Variants in MAST4 observed in about 807,000 individuals in gnomAD.
MAST4 encodes the protein microtubule-associated serine/threonine-protein kinase 4.
A neutral mutation model predicts 162.7 loss-of-function variants in MAST4; 89 were observed. The ratio of observed to expected loss-of-function variants is 0.55; its 90% CI spans 0.46 to 0.65. The LOEUF (loss-of-function observed/expected upper bound fraction) is 0.65. MAST4 is among the 30% of genes least tolerant of loss of function. The probability of loss-of-function intolerance (pLI) is 0.00; values close to 1 mark genes in which losing one functional copy is unlikely to be tolerated. For synonymous variants in MAST4, 1,479 were observed against 1,361.1 expected (o/e 1.09, Z -1.91); for missense variants, 3,153 against 3,374.0 (o/e 0.93, Z 1.62).
At chr5:66,724,885 TAAAG>T (rs1310502959) in intron 1 of MAST4, among the ~76,000 whole-genome samples, 1 of 152,076 alleles carries the variant, frequency 6.6e-6, no homozygotes, top group Non-Finnish European at 1.5e-5. Flanking sequence ...AATTTTTACT[TAAAG>T]AAATCTTACT....
intron 4 of MAST4, among the ~76,000 whole-genome samples, chr5:66,971,057 TC>T (rs1747374847): frequency 6.6e-6 from 1 of 152,206 alleles, no homozygotes; most frequent in South Asian, 2.1e-4. Context: ...AGCCTGTGCC[TC>T]TATTTCTTCG....
chr5:66,979,296 C>T (rs549573206), intron 4 of MAST4, among the ~76,000 whole-genome samples: 2 of 152,126 alleles, frequency 1.3e-5, no homozygotes, highest in South Asian at 4.2e-4. Context: ...ACACTGAGTC[C>T]TCTTTAAAAT....
At chr5:66,629,678 G>A (rs757573853) in intron 1 of MAST4, among the ~76,000 whole-genome samples, 9 of 152,170 alleles carry the variant, frequency 5.9e-5, no homozygotes, top group Non-Finnish European at 8.8e-5. Context: ...ACAAGGAATC[G>A]TCTGCCCATG....
chr5:66,784,766 C>T (rs1382558851), intron 2 of MAST4, among the ~76,000 whole-genome samples: 1 of 152,158 alleles, frequency 6.6e-6, no homozygotes, highest in Non-Finnish European at 1.5e-5. Context: ...TGTGACAGTA[C>T]ATTGACTGCT....
At chr5:67,145,459 G>T (rs1159577773) in intron 23 of MAST4, 80 bp downstream of exon 23, 36 of 1,217,326 alleles carry the variant, frequency 3.0e-5, no homozygotes, top group Non-Finnish European at 5.8e-6. Context: ...GGCGGGCCTC[G>T]CCAGGCAGTA....
chr5:67,141,720 T>C (rs1770431598), intron 19 of MAST4, among the ~76,000 whole-genome samples: 1 of 152,250 alleles, frequency 6.6e-6, no homozygotes, highest in Non-Finnish European at 1.5e-5. Context: ...AGAGGAAATG[T>C]TGCTGTGAAC....
chr5:67,101,747 G>A (rs1420047594), intron 8 of MAST4, among the ~76,000 whole-genome samples: 2 of 151,946 alleles, frequency 1.3e-5, no homozygotes, highest in African/African-American at 4.8e-5. Context: ...AGATTATTCT[G>A]AGATATGGAA....
intron 1 of MAST4, among the ~76,000 whole-genome samples, chr5:66,624,945 A>G (rs1372252256): frequency 2.0e-5 from 3 of 152,238 alleles, no homozygotes; most frequent in Non-Finnish European, 2.9e-5. Context: ...GGTCTTGGCA[A>G]TAATTTTTTG....
At chr5:66,641,327 A>G (rs1192163711) in intron 1 of MAST4, among the ~76,000 whole-genome samples, 1 of 151,786 alleles carries the variant, frequency 6.6e-6, no homozygotes, top group Non-Finnish European at 1.5e-5. Flanking sequence ...AATTTTTTGT[A>G]TTTTATTTTT....
intron 1 of MAST4, among the ~76,000 whole-genome samples, chr5:66,718,676 C>T (rs960570799): frequency 1.3e-5 from 2 of 152,172 alleles, no homozygotes; most frequent in South Asian, 4.1e-4. Flanking sequence ...ACTAATGCCT[C>T]ATCTCCCCAA....
At chr5:66,905,619 G>A (rs778995268) in intron 4 of MAST4, among the ~76,000 whole-genome samples, 17 of 152,130 alleles carry the variant, frequency 1.1e-4, no homozygotes, top group Non-Finnish European at 2.2e-4. Context: ...GGTCCTGAGA[G>A]GTCCTCAGAA....
intron 4 of MAST4, among the ~76,000 whole-genome samples, chr5:66,950,595 A>G (rs931582627): frequency 6.6e-6 from 1 of 152,150 alleles, no homozygotes; most frequent in Non-Finnish European, 1.5e-5. Context: ...TAGTTCATCC[A>G]TGTTGTAATA....
chr5:67,121,202 A>G (rs1206758290), intron 14 of MAST4, 100 bp downstream of exon 14: 6 of 937,732 alleles, frequency 6.4e-6, no homozygotes, highest in South Asian at 1.6e-5. Context: ...CTGTATAGGG[A>G]CTTGACTTTT....
At chr5:67,110,305 G>T in intron 11 of MAST4, 106 bp downstream of exon 11, 1 of 766,998 alleles carries the variant, frequency 1.3e-6, no homozygotes, top group Non-Finnish European at 2.3e-6. Context: ...TAAATGGAAA[G>T]AGTCAAAGGG....
At chr5:67,104,613 T>A (rs1765387061) in intron 10 of MAST4, 38 bp downstream of exon 10, 2 of 1,557,498 alleles carry the variant, frequency 1.3e-6, no homozygotes, top group African/African-American at 2.7e-5. Context: ...TGATTTATTT[T>A]GCTTTTCCCT....
At chr5:66,945,146 A>G (rs1336735759) in intron 4 of MAST4, among the ~76,000 whole-genome samples, 2 of 152,138 alleles carry the variant, frequency 1.3e-5, no homozygotes, top group African/African-American at 4.8e-5. Flanking sequence ...CTAGGTTGCT[A>G]GGTACAATGG....
At chr5:66,829,623 T>C (rs1358009657) in intron 3 of MAST4, among the ~76,000 whole-genome samples, 2 of 152,160 alleles carry the variant, frequency 1.3e-5, no homozygotes, top group Non-Finnish European at 2.9e-5. Context: ...CCTGCATAAC[T>C]CTTTGTCCTG....
At chr5:66,956,899 C>A (rs183905708) in intron 4 of MAST4, among the ~76,000 whole-genome samples, 27 of 152,228 alleles carry the variant, frequency 1.8e-4, no homozygotes, top group African/African-American at 6.3e-4. Flanking sequence ...AGCCAAGATA[C>A]AATGTATTTT....
chr5:66,879,002 G>A (rs897057089), intron 3 of MAST4, among the ~76,000 whole-genome samples: 9 of 152,202 alleles, frequency 5.9e-5, no homozygotes, highest in South Asian at 2.1e-4. Context: ...ACAATGGGCC[G>A]GGCGTGGTGG....
Sources: gnomAD v4.1 joint callset for allele counts (sites outside exome capture counted in the v4.1 genomes callset) on GRCh38, gnomAD v4.1.1 for gene constraint, MANE v1.5 for transcripts, NCBI Gene and HGNC (gene_info 2026-07-23, HGNC 2026-07-21) for gene names.